Variants in PRPSAP2 observed in about 807,000 individuals in gnomAD.
PRPSAP2 encodes the protein phosphoribosyl pyrophosphate synthase-associated protein 2.
A neutral mutation model predicts 40.6 loss-of-function variants in PRPSAP2; 24 were observed. The ratio of observed to expected loss-of-function variants is 0.59; its 90% CI spans 0.43 to 0.83. The LOEUF (loss-of-function observed/expected upper bound fraction) is 0.83, where lower values mean the gene tolerates loss of function less well. Ranked by LOEUF, PRPSAP2 falls within the 40% of genes least tolerant of loss-of-function variation. The probability of loss-of-function intolerance (pLI) is 0.00; values close to 1 mark genes in which losing one functional copy is unlikely to be tolerated. For synonymous variants in PRPSAP2, 149 were observed against 164.7 expected (o/e 0.90, Z 0.73); for missense variants, 292 against 465.6 (o/e 0.63, Z 3.43).
intron 10 of PRPSAP2, chr17:18,928,563 G>C: frequency 2.1e-6 from 1 of 485,226 alleles, no homozygotes; most frequent in Non-Finnish European, 3.9e-6. Context: ...ACCCCTGGGA[G>C]CCTGGAGTGT....
At chr17:18,868,918 AG>A (rs1354738126) in intron 4 of PRPSAP2, among the ~76,000 whole-genome samples, 1 of 152,142 alleles carries the variant, frequency 6.6e-6, no homozygotes, top group Non-Finnish European at 1.5e-5. Flanking sequence ...TTTGATAAAA[AG>A]GCACAAGTTT....
chr17:18,878,337 C>G (rs971569685), intron 6 of PRPSAP2, among the ~76,000 whole-genome samples: 1 of 152,114 alleles, frequency 6.6e-6, no homozygotes, highest in African/African-American at 2.4e-5. Flanking sequence ...CTCAAGTGAT[C>G]CCCCTGAGTA....
chr17:18,872,588 A>G lies in PRPSAP2; in HGVS notation c.178A>G (p.Arg60Gly). 6.3e-7 allele frequency: 1 copy of G among 1,586,376 alleles called. No homozygotes were observed. The highest frequency in any genetic ancestry group is 1.1e-5 in the South Asian group (1 of 89,644). Residue 60 changes from arginine to glycine, a missense_variant, in exon 5 of 12, where the codon AGA becomes GGA. Transcript: ENST00000268835. ...QVYQEPNRET[R>G]VQIQESVRGK... is the part of the protein sequence containing the mutation. ...CTTTTTCCTTTTCCTGCCAGAAACA[A>G]GAGTACAAATTCAAGAGTCTGTGAG...
intron 8 of PRPSAP2, among the ~76,000 whole-genome samples, chr17:18,893,793 T>C (rs1243752499): frequency 1.3e-5 from 2 of 152,142 alleles, no homozygotes; most frequent in Admixed American, 1.3e-4. Flanking sequence ...ACTCCTGACC[T>C]CAAGTGATCT....
At chr17:18,889,930 C>T (rs1265727649) in intron 8 of PRPSAP2, 53 bp downstream of exon 8, 109 of 1,524,352 alleles carry the variant, frequency 7.2e-5, no homozygotes, top group South Asian at 1.3e-4. Flanking sequence ...GGATTGTATC[C>T]GTGATGAGTT....
chr17:18,865,987 A>G (rs777506898), intron 3 of PRPSAP2, 35 bp downstream of exon 3: 1 of 1,326,818 alleles, frequency 7.5e-7, no homozygotes, highest in Non-Finnish European at 9.9e-7. Flanking sequence ...ATCTATATTC[A>G]TTATGTGATG....
chr17:18,882,742 C>T, intron 7 of PRPSAP2, 59 bp downstream of exon 7: 1 of 1,155,590 alleles, frequency 8.7e-7, no homozygotes, highest in South Asian at 1.3e-5. Context: ...AGATGTATTT[C>T]CATTTCCTTA....
chr17:18,903,771 G>A (rs755247037), intron 8 of PRPSAP2, among the ~76,000 whole-genome samples: 3 of 152,026 alleles, frequency 2.0e-5, no homozygotes, highest in Admixed American at 6.6e-5. Context: ...GTGAGCAAGA[G>A]CTCTGTCGAC....
intron 4 of PRPSAP2, among the ~76,000 whole-genome samples, chr17:18,870,470 T>C (rs1158877243): frequency 1.3e-5 from 2 of 151,996 alleles, no homozygotes; most frequent in Admixed American, 1.3e-4. Context: ...CTAGGAATAA[T>C]TACTTTCACC....
rs1597796320 is a variant in PRPSAP2, at chr17:18,931,271, C to T, written c.*573C>T. 1 of 152,386 alleles carries T rather than the reference C, an allele frequency of 6.6e-6. No homozygotes were observed. The highest frequency in any genetic ancestry group is 6.5e-5 in the Admixed American group (1 of 15,308). 9.4% of individuals were successfully genotyped at this position (152,386 alleles called of 1,614,324 possible). ...AAATAAAATGAAAGCTAAATCTACA[C>T]GCTGTGAATGTTGAAATGTTCATCA... is the stretch of plus-strand genomic sequence containing the variant. On this transcript the variant is annotated 3_prime_UTR_variant, in exon 12 of 12. Transcript: ENST00000268835.
intron 4 of PRPSAP2, among the ~76,000 whole-genome samples, chr17:18,871,295 C>T (rs2037846447): frequency 6.6e-6 from 1 of 152,194 alleles, no homozygotes; most frequent in African/African-American, 2.4e-5. Context: ...TCTGGTATTA[C>T]ATGTGTGAGC....
chr17:18,893,797 GTGATCTTGACCTCAAA>G (rs915381002), intron 8 of PRPSAP2, among the ~76,000 whole-genome samples: 30 of 152,142 alleles, frequency 2.0e-4, no homozygotes, highest in African/African-American at 7.0e-4. Context: ...CTGACCTCAA[GTGATCTTGACCTCAAA>G]TGATCATCCC....
intron 4 of PRPSAP2, among the ~76,000 whole-genome samples, 169 bp downstream of exon 4, chr17:18,867,503 C>G (rs2037521022): frequency 6.6e-6 from 1 of 152,178 alleles, no homozygotes; most frequent in Non-Finnish European, 1.5e-5. Flanking sequence ...CTCACTAATA[C>G]CAGCTAGATA....
intron 8 of PRPSAP2, chr17:18,904,902 CAG>C (rs1271216254): frequency 2.0e-5 from 3 of 152,152 alleles, no homozygotes; most frequent in African/African-American, 7.2e-5. Flanking sequence ...CAAAATGACA[CAG>C]AGAAACCATC....
At chr17:18,906,536 G>A (rs2040596386) in intron 8 of PRPSAP2, among the ~76,000 whole-genome samples, 1 of 148,464 alleles carries the variant, frequency 6.7e-6, no homozygotes, top group African/African-American at 2.5e-5. Context: ...TTTTATTTTT[G>A]TAGAGACGAG....
chr17:18,882,597 C>T lies in PRPSAP2; in HGVS notation c.442C>T (p.His148Tyr). ...AACTCATCTTATTACTATGGATTTA[C>T]ACCAGAAGGAAATTCAGGGCTTCTT... ...GLTHLITMDLHQKEIQGFFNI... is the reference protein window; with the variant it reads ...GLTHLITMDLYQKEIQGFFNI... The change falls in exon 7 of 12, where the codon CAC becomes TAC. Residue 148 changes from histidine (H) to tyrosine (Y), a missense_variant. By Grantham distance (83) the His-to-Tyr change is moderately conservative. Around this residue, in one of 2 missense-constraint regions of PRPSAP2, gnomAD observed 241 missense variants for 425.7 expected, o/e 0.57. Transcript: ENST00000268835. The T allele has an allele frequency of 6.3e-7, 1 of 1,592,404 alleles. No individual in the cohort carries two copies. Among genetic ancestry groups the T allele is most frequent in the Non-Finnish European group, 8.6e-7 (1 of 1,160,372 alleles).
intron 5 of PRPSAP2, among the ~76,000 whole-genome samples, chr17:18,876,625 T>C (rs2038318090): frequency 1.3e-5 from 2 of 152,202 alleles, no homozygotes; most frequent in Middle Eastern, 6.8e-3. Context: ...GAGGAAGACA[T>C]AAAGTGAGCA....
At chr17:18,862,983 C>T (rs2037145988) in intron 1 of PRPSAP2, among the ~76,000 whole-genome samples, 1 of 146,876 alleles carries the variant, frequency 6.8e-6, no homozygotes, top group Non-Finnish European at 1.5e-5. Context: ...ACCACGCCCA[C>T]CTAATTTTTT....
At chr17:18,898,962 C>A (rs905988289) in intron 8 of PRPSAP2, among the ~76,000 whole-genome samples, 1 of 151,738 alleles carries the variant, frequency 6.6e-6, no homozygotes, top group African/African-American at 2.4e-5. Context: ...AGTGCAATGG[C>A]GTGATCTTGG....
Sources: gnomAD v4.1 joint callset for allele counts (sites outside exome capture counted in the v4.1 genomes callset) on GRCh38, gnomAD v4.1.1 for gene constraint, gnomAD v4.1.1 regional missense constraint, MANE v1.5 for transcripts, NCBI Gene and HGNC (gene_info 2026-07-23, HGNC 2026-07-21) for gene names.